The following OGFOD1 variants were observed in gnomAD, a reference collection of about 807,000 sequenced individuals.
The protein encoded by OGFOD1 is 2-oxoglutarate and iron dependent oxygenase domain containing 1, also known as prolyl 3-hydroxylase OGFOD1.
OGFOD1 carries 54 observed loss-of-function variants against 67.7 expected under a neutral mutation model. The observed-to-expected ratio is 0.80, with a 90% confidence interval of 0.64 to 1.00. The LOEUF (loss-of-function observed/expected upper bound fraction) is 1.00. Ranked by LOEUF, OGFOD1 falls within the 50% of genes least tolerant of loss-of-function variation. OGFOD1 has a pLI of 0.00. For synonymous variants in OGFOD1, 221 were observed against 227.0 expected, an observed-to-expected ratio of 0.97 and a Z score of 0.24; for missense variants, 606 against 646.7, an observed-to-expected ratio of 0.94 and a Z score of 0.68.
intron 8 of OGFOD1, among the ~76,000 whole-genome samples, 174 bp from the exon 9 acceptor site, chr16:56,469,828 CA>C (rs1963068042): frequency 1.0e-5 from 1 of 95,588 alleles, no homozygotes; most frequent in South Asian, 4.0e-4. Context: ...CCAGCCTGGG[CA>C]ACAAGAGTGA....
Position 56,466,066 on chromosome 16 carries a change from G to A in OGFOD1, c.449-86G>A. ...GCTGGAGCTGACATTACAGTTGAAT[G>A]TCAAACGGACTGATATTAAATGCAG... On this transcript the variant is annotated intron_variant, in intron 4 of 12. Transcript: ENST00000566157. 2 of 905,398 alleles carry A rather than the reference G, an allele frequency of 2.2e-6. 1 individual carries two copies. Among genetic ancestry groups the A allele is most frequent in the South Asian group, 2.8e-5 (2 of 71,628 alleles). 56.1% of individuals were successfully genotyped at this position (905,398 alleles called of 1,614,324 possible).
At chr16:56,474,195 A>G (rs1032191366) in intron 10 of OGFOD1, among the ~76,000 whole-genome samples, 1 of 152,166 alleles carries the variant, frequency 6.6e-6, no homozygotes, top group Admixed American at 6.5e-5. Flanking sequence ...TTTAGGTAAT[A>G]ACATGCTGAG....
At chr16:56,454,664 G>T in intron 2 of OGFOD1, 1 of 336,818 alleles carries the variant, frequency 3.0e-6, no homozygotes. Context: ...AAAAAAAAAA[G>T]AAAGATTAAA....
chr16:56,474,159 C>G (rs1376752256), intron 10 of OGFOD1, among the ~76,000 whole-genome samples: 3 of 152,060 alleles, frequency 2.0e-5, no homozygotes, highest in African/African-American at 7.2e-5. Flanking sequence ...GTAATCAGGT[C>G]TATCTTTGCC....
chr16:56,476,094 C>G lies in OGFOD1; in HGVS notation c.1518C>G (p.Asp506Glu). 6.2e-7 allele frequency: 1 copy of G among 1,613,924 alleles called. No homozygotes were observed. The highest frequency in any genetic ancestry group is 8.5e-7 in the Non-Finnish European group (1 of 1,179,824). Residue 506 changes from aspartate to glutamate, a missense_variant, in exon 13 of 13, where the codon GAC (aspartate) becomes GAG (glutamate). Coordinates refer to ENST00000566157, the MANE Select transcript of OGFOD1 (RefSeq NM_018233.4). ...ESNSLALVYR[D>E]RETLKFVKHI... The stretch of plus-strand genomic sequence containing the variant: ...ATTCTTTGGCATTGGTCTACAGAGA[C>G]AGAGAGACTCTGAAATTTGTCAAGC...
intron 1 of OGFOD1, among the ~76,000 whole-genome samples, chr16:56,452,870 A>G (rs1962388487): frequency 6.6e-6 from 1 of 152,180 alleles, no homozygotes; most frequent in African/African-American, 2.4e-5. Context: ...TAACTTGGGA[A>G]AAGCAAAAGC....
intron 3 of OGFOD1, among the ~76,000 whole-genome samples, chr16:56,459,070 G>A (rs1224372491): frequency 6.6e-6 from 1 of 152,234 alleles, no homozygotes; most frequent in African/African-American, 2.4e-5. Context: ...GCTGGGCGTG[G>A]TGGCTCACGC....
In OGFOD1 at chr16:56,458,528, T is replaced by TC; in HGVS notation, c.301-19dup. On this transcript the variant is annotated intron_variant, in intron 2 of 12. Coordinates refer to ENST00000566157, the MANE Select transcript of OGFOD1 (RefSeq NM_018233.4). ...TTATGTGAAGGAAATCCCTTTTTTT[T>TC]CTCTATTTTCATGATCAAGTCTGAT... The TC allele has an allele frequency of 1.9e-6, 3 of 1,610,620 alleles. No individual in the cohort carries two copies. The highest frequency in any genetic ancestry group is 1.1e-5 in the South Asian group (1 of 90,982).
chr16:56,452,750 C>T (rs1438724591), intron 1 of OGFOD1, among the ~76,000 whole-genome samples: 2 of 151,932 alleles, frequency 1.3e-5, no homozygotes, highest in African/African-American at 4.8e-5. Flanking sequence ...TCTAGCCAGC[C>T]GGAAGCAGTG....
intron 11 of OGFOD1, 124 bp downstream of exon 11, chr16:56,475,074 A>T: frequency 1.0e-6 from 1 of 996,534 alleles, no homozygotes; most frequent in Non-Finnish European, 1.5e-6. Context: ...ACATCATGGG[A>T]TCTCAAAGTC....
rs974503041 is a variant in OGFOD1, at chr16:56,466,244, A to G, written c.541A>G (p.Thr181Ala). ...TCCCTGGGACAGGAGCATGGGTGGT[A>G]CCCTGGACCTGTACAGCATTGATGG... ...VPPWDRSMGGTLDLYSIDEHF... is the reference protein window; with the variant it reads ...VPPWDRSMGGALDLYSIDEHF... Residue 181 changes from threonine (T) to alanine (A), a missense_variant, in exon 5 of 13, where the codon ACC becomes GCC. Physicochemically the swap from Thr to Ala is moderately conservative, Grantham distance 58. Transcript: ENST00000566157. The G allele has an allele frequency of 1.2e-6, 2 of 1,612,846 alleles. No individual in the cohort carries two copies. Among genetic ancestry groups the G allele is most frequent in the Non-Finnish European group, 1.7e-6 (2 of 1,178,838 alleles).
intron 2 of OGFOD1, among the ~76,000 whole-genome samples, chr16:56,456,486 A>G (rs928366547): frequency 3.3e-5 from 5 of 152,180 alleles, no homozygotes; most frequent in Non-Finnish European, 5.9e-5. Flanking sequence ...CACAGTTAAT[A>G]TCAGCTTGAT....
chr16:56,469,391 AT>A (rs1181812893), intron 8 of OGFOD1, among the ~76,000 whole-genome samples: 4 of 152,162 alleles, frequency 2.6e-5, no homozygotes, highest in African/African-American at 4.8e-5. Flanking sequence ...TATGATCCTC[AT>A]TTTATAAATG....
Position 56,451,652 on chromosome 16 carries a change from G to T in OGFOD1, c.40G>T (p.Val14Leu), listed in dbSNP as rs776807500. ...KRPAEPGPAR[V>L]GKKGKKEVMA... ...GCCAGCGGAGCCCGGCCCAGCCCGG[G>T]TGGGAAAAAAGGGAAAGAAGGAGGT... is the stretch of plus-strand genomic sequence containing the variant. The change falls in exon 1 of 13, where the codon GTG becomes TTG. Residue 14 changes from valine to leucine, a missense_variant. Coordinates refer to ENST00000566157, the MANE Select transcript of OGFOD1 (RefSeq NM_018233.4). 27 of 1,613,914 alleles carry T rather than the reference G, an allele frequency of 1.7e-5. No homozygotes were observed. The highest frequency in any genetic ancestry group is 2.3e-5 in the Non-Finnish European group (27 of 1,180,016).
chr16:56,468,862 C>T (rs1963021354), intron 8 of OGFOD1, among the ~76,000 whole-genome samples: 2 of 152,136 alleles, frequency 1.3e-5, no homozygotes, highest in Non-Finnish European at 2.9e-5. Flanking sequence ...CCTGCCTTGT[C>T]TTTCTCATAG....
At position 56,474,801 on chromosome 16, in the gene OGFOD1, G is replaced by C. The variant is rs752898522; in HGVS notation, c.1286-27G>C. 3.0e-5 allele frequency: 48 copies of C among 1,585,240 alleles called. No individual in the cohort carries two copies. The South Asian group carries it at 5.1e-4, about 17-fold the overall frequency. On this transcript the variant is annotated intron_variant, in intron 10 of 12. Coordinates refer to ENST00000566157, the MANE Select transcript of OGFOD1 (RefSeq NM_018233.4). ...AGTTCTATCAAGGTTATTTTTTAAA[G>C]TTTCTCATCTTTTTTTTTTTCCTTA...
At chr16:56,453,184 T>G in intron 1 of OGFOD1, 79 bp from the exon 2 acceptor site, 1 of 1,433,200 alleles carries the variant, frequency 7.0e-7, no homozygotes, top group Non-Finnish European at 9.5e-7. Flanking sequence ...CATCCCCTTT[T>G]GTATTAGCTC....
rs1379965590 is a variant in OGFOD1 at position 56,479,084 on chromosome 16, C to T, written c.*2879C>T. ...TTTTTATACCTCTTTCAGATAAAAGCTATGATGTTCACCTGTAAAATATAT... is the reference window on the plus strand; with the variant it reads ...TTTTTATACCTCTTTCAGATAAAAGTTATGATGTTCACCTGTAAAATATAT... On this transcript the variant is annotated 3_prime_UTR_variant, in exon 13 of 13. Transcript: ENST00000566157. 2.0e-5 allele frequency: 3 copies of T among 152,196 alleles called. No individual in the cohort carries two copies. Among genetic ancestry groups the T allele is most frequent in the Non-Finnish European group, 4.4e-5 (3 of 68,046 alleles). The allele number at this position is 152,196 out of a possible 1,614,324, so 9.4% of individuals were successfully genotyped here. A position where few individuals can be genotyped will look rare whatever the true frequency, so the allele number is the denominator to read the frequency against.
chr16:56,458,940 A>C, intron 3 of OGFOD1: 1 of 279,894 alleles, frequency 3.6e-6, no homozygotes, highest in Non-Finnish European at 6.9e-6. Context: ...ATATAGATAG[A>C]TAACTTTATA....
Sources: gnomAD v4.1 joint callset for allele counts (sites outside exome capture counted in the v4.1 genomes callset) on GRCh38, gnomAD v4.1.1 for gene constraint, MANE v1.5 for transcripts, NCBI Gene and HGNC (gene_info 2026-07-23, HGNC 2026-07-21) for gene names.